CTNND2: variants seen among roughly 807,000 people sequenced by gnomAD.
The protein encoded by CTNND2 is catenin delta-2.
CTNND2 carries 22 observed loss-of-function variants against 144.4 expected under a neutral mutation model. The ratio of observed to expected loss-of-function variants is 0.15; its 90% confidence interval spans 0.11 to 0.22. The LOEUF is 0.22. Ranked by LOEUF, CTNND2 falls within the 10% of genes least tolerant of loss-of-function variation. The pLI, the probability that CTNND2 is intolerant of heterozygous loss-of-function variation, is 1.00. For synonymous variants in CTNND2, 751 were observed against 695.6 expected (o/e 1.08, Z -1.25); for missense variants, 1,353 against 1,618.8 (o/e 0.84, Z 2.82).
chr5:11,385,088 G>T lies in CTNND2; in HGVS notation c.754C>A (p.Leu252Ile), dbSNP rs1221736127. The change falls in exon 7 of 22, where the codon CTC becomes ATC. Residue 252 changes from leucine to isoleucine, a missense_variant. Transcript: ENST00000304623. ...DAPPAAAAAA[L>I]YYSSSTLPAP... ...GGCAGCGTGGAGCTGGAGTAGTAGA[G>T]CGCGGCGGCGGCGGCGGCGGGCGGC... 3 of 1,058,870 alleles carry T rather than the reference G, an allele frequency of 2.8e-6. No individual in the cohort carries two copies. In the South Asian group the frequency reaches 1.2e-4, roughly 42 times the overall value. 65.6% of individuals were successfully genotyped at this position (1,058,870 alleles called of 1,614,324 possible).
intron 21 of CTNND2, among the ~76,000 whole-genome samples, chr5:10,975,450 C>T (rs1004283867): frequency 1.3e-5 from 2 of 152,190 alleles, no homozygotes; most frequent in African/African-American, 4.8e-5. Flanking sequence ...GTCTTCCTAT[C>T]CACCCACCAA....
In CTNND2 at chr5:11,384,184, T is replaced by C. The variant is rs187832730; in HGVS notation, c.1177+481A>G. Among the ~76,000 whole-genome samples the C allele has an allele frequency of 6.6e-6, 1 of 152,332 alleles. No homozygotes were observed. Among genetic ancestry groups the C allele is most frequent in the Non-Finnish European group, 1.5e-5 (1 of 68,032 alleles). On this transcript the variant is annotated intron_variant, in intron 7 of 21. Transcript: ENST00000304623. The surrounding 1 kb of genome is among the most constrained non-coding windows in gnomAD (Gnocchi z 5.2). ...ATAATTCAAGGCAATTCATTATTAA[T>C]TATTTCCCCACTACTATTGAAAACT...
chr5:11,746,071 G>T (rs1261726733), intron 1 of CTNND2, among the ~76,000 whole-genome samples: 4 of 152,140 alleles, frequency 2.6e-5, no homozygotes, highest in African/African-American at 7.2e-5. Flanking sequence ...TTTGCATGAT[G>T]TATGAGGCTG....
chr5:11,489,298 G>A (rs961598100), intron 3 of CTNND2, among the ~76,000 whole-genome samples: 5 of 152,028 alleles, frequency 3.3e-5, no homozygotes, highest in African/African-American at 7.2e-5. Context: ...AGTGGTTAAC[G>A]ATATTCAACA....
chr5:11,442,698 T>C (rs1764366459), intron 3 of CTNND2, among the ~76,000 whole-genome samples: 1 of 151,370 alleles, frequency 6.6e-6, no homozygotes, highest in Non-Finnish European at 1.5e-5. Context: ...GGAAAGAGAC[T>C]TTACTCAGCA....
chr5:11,366,229 A>G (rs982286428), intron 7 of CTNND2, among the ~76,000 whole-genome samples: 1 of 152,238 alleles, frequency 6.6e-6, no homozygotes. Flanking sequence ...TATTTGAGAA[A>G]AAAAGCCATT....
At chr5:11,277,693 G>A (rs1430897723) in intron 9 of CTNND2, among the ~76,000 whole-genome samples, 1 of 151,870 alleles carries the variant, frequency 6.6e-6, no homozygotes, top group Non-Finnish European at 1.5e-5. Context: ...CACCACACTT[G>A]GCTAATTTTT....
intron 1 of CTNND2, among the ~76,000 whole-genome samples, chr5:11,896,255 C>T (rs988134879): frequency 6.6e-6 from 1 of 152,090 alleles, no homozygotes; most frequent in Non-Finnish European, 1.5e-5. Flanking sequence ...ATACTAATTA[C>T]ATGAGATGTT....
intron 11 of CTNND2, among the ~76,000 whole-genome samples, chr5:11,188,262 T>C (rs1276725535): frequency 6.6e-6 from 1 of 152,158 alleles, no homozygotes; most frequent in Non-Finnish European, 1.5e-5. Flanking sequence ...TACCATAGAA[T>C]ACTATACAGC....
chr5:11,124,116 C>A (rs941349884), intron 12 of CTNND2, among the ~76,000 whole-genome samples: 1 of 152,158 alleles, frequency 6.6e-6, no homozygotes, highest in Non-Finnish European at 1.5e-5. Context: ...TCATGACAAT[C>A]TTTTAATTCA....
intron 3 of CTNND2, among the ~76,000 whole-genome samples, chr5:11,441,927 A>C (rs1026220394): frequency 6.6e-6 from 1 of 152,220 alleles, no homozygotes; most frequent in African/African-American, 2.4e-5. Context: ...TCTGACATAA[A>C]AATTACAGTA....
Position 11,250,456 on chromosome 5 carries a change from G to GCTCTCTCTCT in CTNND2, c.1629-13643_1629-13634dup, listed in dbSNP as rs71595810. Reference sequence around the variant, plus strand: ...AAAGTTTGCGGTGAATTTAAAGGGTGCTCTCTCTCTCTCTCTCTCTCTCTC... The same window carrying GCTCTCTCTCT: ...AAAGTTTGCGGTGAATTTAAAGGGTGCTCTCTCTCTCTCTCTCTCTCTCTCTCTCTCTCTC... On this transcript the variant is annotated intron_variant, in intron 9 of 21. Coordinates refer to ENST00000304623, the MANE Select transcript of CTNND2 (RefSeq NM_001332.4). 5.9e-3 allele frequency among the ~76,000 whole-genome samples: 430 copies of GCTCTCTCTCT among 73,146 alleles called. 3 individuals are homozygous for GCTCTCTCTCT. Among genetic ancestry groups the GCTCTCTCTCT allele is most frequent in the Non-Finnish European group, 8.0e-3 (333 of 41,638 alleles). The allele number at this position is 73,146 out of a possible 152,430, so 48.0% of individuals were successfully genotyped here. A position where few individuals can be genotyped will look rare whatever the true frequency, so the allele number is the denominator to read the frequency against.
At chr5:11,101,159 C>T (rs377120531) in intron 14 of CTNND2, among the ~76,000 whole-genome samples, 87 of 152,274 alleles carry the variant, frequency 5.7e-4, no homozygotes, top group African/African-American at 1.1e-3. Context: ...TATTTCAAAG[C>T]CAGTAAATGT....
At chr5:11,184,961 C>T (rs900580517) in intron 11 of CTNND2, among the ~76,000 whole-genome samples, 5 of 152,180 alleles carry the variant, frequency 3.3e-5, no homozygotes, top group Admixed American at 6.5e-5. Context: ...AGCTGCTTTG[C>T]GCAGGAGTGC....
intron 2 of CTNND2, among the ~76,000 whole-genome samples, chr5:11,627,192 T>G (rs1379185788): frequency 6.6e-6 from 1 of 152,188 alleles, no homozygotes; most frequent in Non-Finnish European, 1.5e-5. Context: ...TTTCTGGACT[T>G]TGGCCAAACA....
chr5:11,498,710 A>C (rs953401538), intron 3 of CTNND2, among the ~76,000 whole-genome samples: 1 of 152,218 alleles, frequency 6.6e-6, no homozygotes, highest in African/African-American at 2.4e-5. Context: ...GTATAGCTAG[A>C]TAATTTTTAT....
intron 10 of CTNND2, among the ~76,000 whole-genome samples, chr5:11,216,941 C>T (rs1006770814): frequency 4.6e-5 from 7 of 152,152 alleles, no homozygotes; most frequent in Non-Finnish European, 7.4e-5. Flanking sequence ...GGAGGAGGTG[C>T]CTACTGAAGG....
intron 16 of CTNND2, among the ~76,000 whole-genome samples, chr5:11,044,422 T>C (rs974515298): frequency 6.6e-6 from 1 of 151,918 alleles, no homozygotes; most frequent in Non-Finnish European, 1.5e-5. Context: ...CCAGCAAAAA[T>C]AGAGGTCTTC....
At chr5:11,379,226 T>G (rs1758244283) in intron 7 of CTNND2, among the ~76,000 whole-genome samples, 1 of 152,256 alleles carries the variant, frequency 6.6e-6, no homozygotes. Flanking sequence ...TTTTAGATAC[T>G]ATTATTACTT....
Sources: gnomAD v4.1 joint callset for allele counts (sites outside exome capture counted in the v4.1 genomes callset) on GRCh38, gnomAD v4.1.1 for gene constraint, Gnocchi (gnomAD v3.1) non-coding constraint, MANE v1.5 for transcripts, NCBI Gene and HGNC (gene_info 2026-07-23, HGNC 2026-07-21) for gene names.